GAS6: variants seen among roughly 807,000 people sequenced by gnomAD.
GAS6 encodes the protein growth arrest-specific protein 6.
A neutral mutation model predicts 75.8 loss-of-function variants in GAS6; 41 were observed. That is an observed-to-expected ratio of 0.54 (90% CI 0.42 to 0.70). GAS6 has a LOEUF of 0.70. Among genes scored for constraint, GAS6 ranks in the 30% least tolerant of loss-of-function variants. The probability of loss-of-function intolerance (pLI) is 0.00; values close to 1 mark genes in which losing one functional copy is unlikely to be tolerated. For synonymous variants in GAS6, 432 were observed against 412.6 expected, an observed-to-expected ratio of 1.05 and a Z score of -0.57; for missense variants, 854 against 940.2, an observed-to-expected ratio of 0.91 and a Z score of 1.20.
At chr13:113,840,039 G>A in intron 4 of GAS6, 189 bp from the exon 5 acceptor site, 1 of 729,452 alleles carries the variant, frequency 1.4e-6, no homozygotes, top group South Asian at 2.0e-5. Context: ...TAGGCTGGCG[G>A]GCCCTGGGGC....
intron 10 of GAS6, among the ~76,000 whole-genome samples, chr13:113,828,948 G>T (rs1438784329): frequency 8.1e-6 from 1 of 124,048 alleles, no homozygotes; most frequent in Admixed American, 7.7e-5. Flanking sequence ...AGCCAAGAGG[G>T]TCCCGACCTC....
intron 2 of GAS6, among the ~76,000 whole-genome samples, chr13:113,854,189 G>C (rs1029860929): frequency 6.6e-6 from 1 of 152,226 alleles, no homozygotes; most frequent in South Asian, 2.1e-4. Context: ...GTGACTGCCC[G>C]GTCAGATGTG....
Position 113,827,047 on chromosome 13 carries a change from T to C in GAS6, c.1426A>G (p.Arg476Gly). 6.2e-7 allele frequency: 1 copy of C among 1,613,352 alleles called. No homozygotes were observed. Residue 476 changes from arginine (R) to glycine (G), a missense_variant, in exon 12 of 15, where the codon AGA becomes GGA. Transcript: ENST00000327773. Reference sequence around the variant, plus strand: ...CCGCTCCCGGGGTAGAAAGAGCCTCTCTCCGTCACCGAGAAGCACTGCATC... The same window carrying C: ...CCGCTCCCGGGGTAGAAAGAGCCTCCCTCCGTCACCGAGAAGCACTGCATC... ...TRMQCFSVTE[R>G]GSFYPGSGFA...
intron 6 of GAS6, among the ~76,000 whole-genome samples, chr13:113,836,873 G>A (rs2138640840): frequency 1.3e-5 from 1 of 78,780 alleles, no homozygotes; most frequent in Middle Eastern, 7.1e-3. Context: ...GGGGAGTGGG[G>A]AGAGGAGGAG....
intron 2 of GAS6, among the ~76,000 whole-genome samples, chr13:113,857,344 C>T (rs1431037011): frequency 6.6e-6 from 1 of 152,164 alleles, no homozygotes; most frequent in Admixed American, 6.5e-5. Flanking sequence ...ACTTCCAGCT[C>T]CCCTTTAAAA....
intron 3 of GAS6, chr13:113,846,941 C>T: frequency 2.1e-6 from 1 of 471,344 alleles, no homozygotes; most frequent in Non-Finnish European, 4.2e-6. Flanking sequence ...CCAGTGGACC[C>T]CCATTGGGAA....
At chr13:113,852,509 C>T (rs2051883767) in intron 2 of GAS6, among the ~76,000 whole-genome samples, 1 of 152,182 alleles carries the variant, frequency 6.6e-6, no homozygotes, top group Non-Finnish European at 1.5e-5. Flanking sequence ...CATGAGGCCC[C>T]AAATTTGTTA....
chr13:113,843,073 A>G (rs946871296), intron 4 of GAS6: 5 of 383,818 alleles, frequency 1.3e-5, no homozygotes, highest in East Asian at 3.7e-5. Context: ...TGCCCAGCAA[A>G]TATCTGTGGA....
chr13:113,851,669 G>A (rs149272845), intron 2 of GAS6, among the ~76,000 whole-genome samples: 174 of 152,298 alleles, frequency 1.1e-3, no homozygotes, highest in Non-Finnish European at 2.1e-3. Context: ...ATGAATGAGT[G>A]GGTGGATGGG....
intron 8 of GAS6, chr13:113,833,572 T>A: frequency 9.8e-7 from 1 of 1,018,080 alleles, no homozygotes; most frequent in Non-Finnish European, 1.2e-6. Context: ...TTCCTACCGG[T>A]GTGACAGGTC....
chr13:113,858,006 C>A (rs2051927904), intron 2 of GAS6, among the ~76,000 whole-genome samples: 1 of 152,228 alleles, frequency 6.6e-6, no homozygotes, highest in South Asian at 2.1e-4. Context: ...TCAGGATGGG[C>A]CCAGGAGGAA....
intron 6 of GAS6, chr13:113,835,928 T>C: frequency 8.3e-7 from 1 of 1,203,998 alleles, no homozygotes; most frequent in African/African-American, 1.6e-5. Flanking sequence ...GTGCACGCTG[T>C]GCTGTTCCAT....
chr13:113,856,955 C>T (rs910863322), intron 2 of GAS6, among the ~76,000 whole-genome samples: 2 of 152,184 alleles, frequency 1.3e-5, no homozygotes, highest in African/African-American at 4.8e-5. Flanking sequence ...CCTGGCCGAA[C>T]GTTTGGCCTT....
chr13:113,823,736 G>A (rs1007793433), intron 12 of GAS6, among the ~76,000 whole-genome samples, 186 bp from the exon 13 acceptor site: 4 of 152,180 alleles, frequency 2.6e-5, no homozygotes, highest in Non-Finnish European at 5.9e-5. Flanking sequence ...CAGAGGCACC[G>A]GGGACCCCCA....
At chr13:113,835,781 G>T in intron 6 of GAS6, 146 bp from the exon 7 acceptor site, 2 of 1,460,996 alleles carry the variant, frequency 1.4e-6, no homozygotes, top group Non-Finnish European at 1.8e-6. Context: ...CCATTTCCCT[G>T]CCCTCCTCCC....
chr13:113,828,567 C>T lies in GAS6; in HGVS notation c.1288G>A (p.Glu430Lys), dbSNP rs1169267067. Residue 430 changes from glutamate (E) to lysine (K), a missense_variant, in exon 11 of 15, where the codon GAG (glutamate) becomes AAG (lysine). By Grantham distance (56) the Glu-to-Lys change is moderately conservative (BLOSUM62 1). Transcript: ENST00000327773. Reference protein sequence around the residue: ...NLTVGGIPFHEKDLVQPINPR... With the variant: ...NLTVGGIPFHKKDLVQPINPR... ...CTCACAGGCTGCACGAGGTCCTTCT[C>T]ATGGAAGGGAATACCTCCCACGGTC... The T allele has an allele frequency of 3.7e-6, 6 of 1,613,300 alleles. No individual in the cohort carries two copies. In the African/African-American group the frequency reaches 8.0e-5, roughly 22 times the overall value.
chr13:113,837,953 C>A lies in GAS6; in HGVS notation c.589+116G>T. ...GTGTAGTCTCTGCAGGATGCCCCAT[C>A]CCATCCAGAACCACAGGAACCCAGC... On this transcript the variant is annotated intron_variant, in intron 6 of 14. Coordinates refer to ENST00000327773, the MANE Select transcript of GAS6 (RefSeq NM_000820.4). This position sits in a 1 kb window ranked among gnomAD's most constrained non-coding sequence, Gnocchi z 5.1. 5.5e-6 allele frequency: 7 copies of A among 1,274,878 alleles called. No homozygotes were observed. The highest frequency in any genetic ancestry group is 7.7e-6 in the Non-Finnish European group (7 of 910,854). 79.0% of individuals were successfully genotyped at this position (1,274,878 alleles called of 1,614,324 possible).
chr13:113,821,399 A>G (rs2051456079), intron 14 of GAS6: 1 of 245,710 alleles, frequency 4.1e-6, no homozygotes, highest in Non-Finnish European at 8.0e-6. Context: ...CCAAGAGAGA[A>G]ATCCTGCCGT....
chr13:113,828,445 G>C, intron 11 of GAS6, 102 bp downstream of exon 11: 1 of 1,248,888 alleles, frequency 8.0e-7, no homozygotes, highest in East Asian at 2.6e-5. Flanking sequence ...CTCACACCTG[G>C]TTAATGGTAA....
Sources: gnomAD v4.1 joint callset for allele counts (sites outside exome capture counted in the v4.1 genomes callset) on GRCh38, gnomAD v4.1.1 for gene constraint, Gnocchi (gnomAD v3.1) non-coding constraint, MANE v1.5 for transcripts, NCBI Gene and HGNC (gene_info 2026-07-23, HGNC 2026-07-21) for gene names.